The following SPATA31C1 variants were observed in gnomAD, a reference collection of about 807,000 sequenced individuals.
The protein encoded by SPATA31C1 is SPATA31 subfamily C member 1, also known as spermatogenesis-associated protein 31C1.
intron 1 of SPATA31C1, among the ~76,000 whole-genome samples, chr9:87,917,147 C>T (rs1349753556): frequency 1.4e-5 from 2 of 140,526 alleles, no homozygotes; most frequent in African/African-American, 5.0e-5. Context: ...CGCAGTGGCT[C>T]ATGCCTGTAA....
chr9:87,922,629 G>A (rs763429942), exon 5 of SPATA31C1: 5 of 1,608,922 alleles, frequency 3.1e-6, no homozygotes, highest in East Asian at 2.2e-5. Context: ...AGTGCCCCAG[G>A]GCCATCTCCA....
exon 5 of SPATA31C1, chr9:87,921,410 A>G: frequency 1.2e-6 from 2 of 1,611,790 alleles, no homozygotes; most frequent in Non-Finnish European, 1.7e-6. Context: ...CCACGTCCAC[A>G]GGTGAAAGCA....
At chr9:87,922,807 A>G (rs1356824768) in exon 5 of SPATA31C1, 1 of 1,606,382 alleles carries the variant, frequency 6.2e-7, no homozygotes, top group Admixed American at 1.7e-5. Context: ...AACTCTAGGA[A>G]GCCCAACTTA....
chr9:87,922,693 C>G (rs1781981558), exon 5 of SPATA31C1: 1 of 1,607,550 alleles, frequency 6.2e-7, no homozygotes, highest in African/African-American at 1.3e-5. Flanking sequence ...GACCTCATGT[C>G]AGCCAGAAGG....
intron 1 of SPATA31C1, among the ~76,000 whole-genome samples, chr9:87,916,316 G>C (rs1447022749): frequency 6.9e-6 from 1 of 145,170 alleles, no homozygotes; most frequent in Non-Finnish European, 1.5e-5. Flanking sequence ...AAATTCTTCA[G>C]GTCCTAGGAC....
chr9:87,920,339 T>G (rs776349774), exon 5 of SPATA31C1: 1 of 1,613,996 alleles, frequency 6.2e-7, no homozygotes, highest in African/African-American at 1.3e-5. Context: ...GAACACCTGA[T>G]GGAGCCTCCC....
At chr9:87,922,580 A>T in exon 5 of SPATA31C1, 1 of 1,609,574 alleles carries the variant, frequency 6.2e-7, no homozygotes. Flanking sequence ...ATGGGCAAGC[A>T]TCTGTTGTGC....
At chr9:87,917,088 A>C (rs1406793131) in intron 1 of SPATA31C1, among the ~76,000 whole-genome samples, 1 of 137,404 alleles carries the variant, frequency 7.3e-6, no homozygotes, top group African/African-American at 2.6e-5. Context: ...AAAAATCTTA[A>C]TTGTATGTGG....
exon 5 of SPATA31C1, chr9:87,923,085 A>G: frequency 6.2e-7 from 1 of 1,602,310 alleles, no homozygotes; most frequent in Non-Finnish European, 8.5e-7. Context: ...TGAAGCTGAG[A>G]GGCTCATGAC....
chr9:87,922,641 A>G, exon 5 of SPATA31C1: 3 of 1,608,790 alleles, frequency 1.9e-6, no homozygotes, highest in Non-Finnish European at 2.5e-6. Context: ...CCATCTCCAG[A>G]GCACGCCTAC....
intron 1 of SPATA31C1, among the ~76,000 whole-genome samples, chr9:87,916,239 A>C (rs1443918399): frequency 1.5e-5 from 2 of 135,324 alleles, no homozygotes; most frequent in African/African-American, 5.6e-5. Flanking sequence ...AAGATGGAGG[A>C]AGACTCCATC....
exon 5 of SPATA31C1, chr9:87,921,942 C>T: frequency 6.2e-7 from 1 of 1,612,250 alleles, no homozygotes; most frequent in Non-Finnish European, 8.5e-7. Context: ...TCAGTGCTTT[C>T]AACTGGAAAA....
At chr9:87,921,437 G>C in exon 5 of SPATA31C1, 1 of 1,611,750 alleles carries the variant, frequency 6.2e-7, no homozygotes. Flanking sequence ...AGGCACAGAC[G>C]GTGAAGTTCC....
At chr9:87,920,371 A>G in exon 5 of SPATA31C1, 1 of 1,613,956 alleles carries the variant, frequency 6.2e-7, no homozygotes, top group South Asian at 1.1e-5. Context: ...GAGCCTATGG[A>G]AGATGCTGCT....
chr9:87,920,467 C>T (rs1828821407), exon 5 of SPATA31C1: 2 of 1,613,886 alleles, frequency 1.2e-6, no homozygotes, highest in African/African-American at 1.3e-5. Flanking sequence ...GGCCCAATGA[C>T]CACCTCAGTC....
At chr9:87,921,896 C>A in exon 5 of SPATA31C1, 2 of 1,612,042 alleles carry the variant, frequency 1.2e-6, no homozygotes, top group Non-Finnish European at 1.7e-6. Flanking sequence ...GGGCCAAACA[C>A]AGGTGGGGTC....
chr9:87,916,025 A>G (rs1457668095), intron 1 of SPATA31C1, among the ~76,000 whole-genome samples: 2 of 142,648 alleles, frequency 1.4e-5, no homozygotes, highest in Non-Finnish European at 3.1e-5. Context: ...GTTTCCATAT[A>G]TTCAGGTTTC....
exon 5 of SPATA31C1, chr9:87,923,245 T>C: frequency 3.1e-6 from 5 of 1,603,506 alleles, no homozygotes; most frequent in Admixed American, 1.7e-5. Flanking sequence ...CACAGCAGAA[T>C]GCTGAGCTAT....
exon 5 of SPATA31C1, chr9:87,921,005 T>G: frequency 6.2e-7 from 1 of 1,612,556 alleles, no homozygotes; most frequent in South Asian, 1.1e-5. Context: ...TTCAATCCTC[T>G]TTCCCAGTCC....
Sources: gnomAD v4.1 joint callset for allele counts (sites outside exome capture counted in the v4.1 genomes callset) on GRCh38, gnomAD v4.1.1 for gene constraint, MANE v1.5 for transcripts, NCBI Gene and HGNC (gene_info 2026-07-23, HGNC 2026-07-21) for gene names.